SH3RF3: variants seen among roughly 807,000 people sequenced by gnomAD.
SH3RF3 encodes SH3 domain containing ring finger 3, also known as E3 ubiquitin-protein ligase SH3RF3.
Under a neutral mutation model 66.3 loss-of-function variants are expected in SH3RF3, and 29 were observed. That is an observed-to-expected ratio of 0.44 (90% CI 0.33 to 0.60). The LOEUF is 0.60. Among genes scored for constraint, SH3RF3 ranks in the 20% least tolerant of loss-of-function variants. The pLI is 0.04. For synonymous variants in SH3RF3, 583 were observed against 532.0 expected, an observed-to-expected ratio of 1.10 and a Z score of -1.32; for missense variants, 1,194 against 1,190.9, an observed-to-expected ratio of 1.00 and a Z score of -0.04.
At chr2:109,278,390 A>G (rs1322600856) in intron 1 of SH3RF3, among the ~76,000 whole-genome samples, 1 of 152,130 alleles carries the variant, frequency 6.6e-6, no homozygotes, top group Non-Finnish European at 1.5e-5. Flanking sequence ...TGGTGATGAC[A>G]CTTCTGAAGG....
chr2:109,323,171 G>A (rs867756602), intron 1 of SH3RF3, among the ~76,000 whole-genome samples: 3 of 152,204 alleles, frequency 2.0e-5, no homozygotes, highest in Admixed American at 6.5e-5. Flanking sequence ...CAATGGGTGG[G>A]AAGGGGAGGT....
intron 2 of SH3RF3, among the ~76,000 whole-genome samples, chr2:109,357,848 A>G (rs1574595389): frequency 2.6e-5 from 4 of 152,196 alleles, no homozygotes; most frequent in Admixed American, 2.0e-4. Context: ...CCTACATGCA[A>G]AGCCTCCTGC....
intron 1 of SH3RF3, among the ~76,000 whole-genome samples, chr2:109,288,252 C>T (rs967095836): frequency 5.9e-5 from 9 of 152,156 alleles, no homozygotes; most frequent in Admixed American, 2.0e-4. Context: ...AGTTAAAAAC[C>T]GAGAAGACTG....
intron 1 of SH3RF3, among the ~76,000 whole-genome samples, chr2:109,241,375 C>A (rs930443077): frequency 6.6e-6 from 1 of 152,126 alleles, no homozygotes; most frequent in African/African-American, 2.4e-5. Flanking sequence ...GCTGTGGGAC[C>A]CTCTCCCCTT....
At chr2:109,430,442 C>A (rs1380979075) in intron 5 of SH3RF3, among the ~76,000 whole-genome samples, 1 of 152,010 alleles carries the variant, frequency 6.6e-6, no homozygotes, top group Non-Finnish European at 1.5e-5. Flanking sequence ...TGTGTGGAAG[C>A]CACCCTCCTC....
intron 1 of SH3RF3, among the ~76,000 whole-genome samples, chr2:109,205,973 A>G (rs975446904): frequency 1.5e-4 from 23 of 152,180 alleles, no homozygotes; most frequent in African/African-American, 5.1e-4. Flanking sequence ...GAGATTTACC[A>G]TGTTTACTCC....
At chr2:109,188,052 C>G (rs1394982865) in intron 1 of SH3RF3, among the ~76,000 whole-genome samples, 3 of 152,216 alleles carry the variant, frequency 2.0e-5, no homozygotes, top group African/African-American at 7.2e-5. Flanking sequence ...GCTTGCAGCC[C>G]ACCCCGTGAG....
chr2:109,364,997 A>G (rs1016228012), intron 2 of SH3RF3, among the ~76,000 whole-genome samples: 6 of 152,216 alleles, frequency 3.9e-5, no homozygotes, highest in Non-Finnish European at 5.9e-5. Flanking sequence ...AGACTGAGGC[A>G]GAAGGATCGT....
intron 1 of SH3RF3, among the ~76,000 whole-genome samples, chr2:109,342,469 C>T (rs1214673227): frequency 6.6e-6 from 1 of 152,176 alleles, no homozygotes; most frequent in Non-Finnish European, 1.5e-5. Context: ...GTGAAGGGGG[C>T]CCTCCATTGA....
intron 1 of SH3RF3, among the ~76,000 whole-genome samples, chr2:109,303,443 C>T (rs1037753116): frequency 1.3e-5 from 2 of 152,142 alleles, no homozygotes; most frequent in Non-Finnish European, 2.9e-5. Context: ...TTTGTGTAGA[C>T]TGGTACATGG....
chr2:109,322,328 G>A (rs1050681129), intron 1 of SH3RF3, among the ~76,000 whole-genome samples: 1 of 152,164 alleles, frequency 6.6e-6, no homozygotes, highest in African/African-American at 2.4e-5. Flanking sequence ...GGCAGCCAGG[G>A]CCGGCAGAGG....
At position 109,199,617 on chromosome 2, in the gene SH3RF3, T is replaced by TCAACA. The variant is rs1678607688; in HGVS notation, c.573+69504_573+69505insCAACA. ...TGGAATGGAATGGAATGGAATGGAA[T>TCAACA]GGAATGGAATGGAATGGAATGGAAT... On this transcript the variant is annotated intron_variant, in intron 1 of 9. Coordinates refer to ENST00000309415, the MANE Select transcript of SH3RF3 (RefSeq NM_001099289.3). Among the ~76,000 whole-genome samples, 2 of 258 alleles carry TCAACA rather than the reference T, an allele frequency of 7.8e-3. 1 individual carries two copies. The highest frequency in any genetic ancestry group is 0.024 in the African/African-American group (2 of 84). 0.2% of individuals were successfully genotyped at this position (258 alleles called of 152,430 possible).
chr2:109,199,607 T>TTAACCC (rs1558953948), intron 1 of SH3RF3, among the ~76,000 whole-genome samples: 2 of 276 alleles, frequency 7.2e-3, no homozygotes, highest in Admixed American at 0.056. Context: ...TGGAATGGAA[T>TTAACCC]GGAATGGAAT....
intron 1 of SH3RF3, among the ~76,000 whole-genome samples, chr2:109,226,560 G>A (rs994569354): frequency 6.6e-6 from 1 of 152,146 alleles, no homozygotes; most frequent in South Asian, 2.1e-4. Flanking sequence ...ACTGTTCTTA[G>A]GGTGACTTTG....
At chr2:109,234,396 G>T (rs1422778113) in intron 1 of SH3RF3, among the ~76,000 whole-genome samples, 1 of 152,208 alleles carries the variant, frequency 6.6e-6, no homozygotes, top group Non-Finnish European at 1.5e-5. Flanking sequence ...GATGAAACAG[G>T]CAATTTCTCT....
chr2:109,379,963 C>A (rs1683476482), intron 3 of SH3RF3, among the ~76,000 whole-genome samples: 1 of 152,160 alleles, frequency 6.6e-6, no homozygotes, highest in Non-Finnish European at 1.5e-5. Flanking sequence ...CTTGCCTTCA[C>A]CAGTAACCCA....
intron 1 of SH3RF3, among the ~76,000 whole-genome samples, chr2:109,263,514 A>T (rs2105296854): frequency 6.6e-6 from 1 of 152,360 alleles, no homozygotes; most frequent in Middle Eastern, 3.4e-3. Context: ...GGGCTGATGC[A>T]TACATAGAAA....
At chr2:109,424,221 T>G (rs2104537774) in intron 5 of SH3RF3, among the ~76,000 whole-genome samples, 1 of 152,310 alleles carries the variant, frequency 6.6e-6, no homozygotes, top group South Asian at 2.1e-4. Context: ...CTGCGGAGTT[T>G]CCCCATTGGA....
At chr2:109,460,836 AC>A (rs1315815682) in intron 8 of SH3RF3, among the ~76,000 whole-genome samples, 3 of 152,358 alleles carry the variant, frequency 2.0e-5, no homozygotes, top group African/African-American at 7.2e-5. Flanking sequence ...AGCAAAGTGC[AC>A]AACCAGGTGC....
Sources: gnomAD v4.1 joint callset for allele counts (sites outside exome capture counted in the v4.1 genomes callset) on GRCh38, gnomAD v4.1.1 for gene constraint, MANE v1.5 for transcripts, NCBI Gene and HGNC (gene_info 2026-07-23, HGNC 2026-07-21) for gene names.